The following CR1L variants were observed in gnomAD, a reference collection of about 807,000 sequenced individuals.
The protein encoded by CR1L is complement C3b/C4b receptor 1 like.
In CR1L, 59 loss-of-function variants were observed where a neutral mutation model predicts 62.3. The ratio of observed to expected loss-of-function variants is 0.95; its 90% CI spans 0.77 to 1.18. CR1L has a LOEUF of 1.18. CR1L is among the 50% of genes most tolerant of loss of function. CR1L has a pLI of 0.00. For synonymous variants in CR1L, 279 were observed against 248.7 expected (o/e 1.12, Z -1.15); for missense variants, 700 against 702.8 (o/e 1.00, Z 0.04).
chr1:207,721,363 C>A (rs1347263188), intron 11 of CR1L, among the ~76,000 whole-genome samples: 3 of 123,864 alleles, frequency 2.4e-5, no homozygotes, highest in African/African-American at 6.1e-5. Flanking sequence ...CCACCACAGT[C>A]CCCAGAGTGT....
At chr1:207,653,194 C>A in intron 1 of CR1L, 1 of 158,976 alleles carries the variant, frequency 6.3e-6, no homozygotes, top group South Asian at 1.8e-4. Flanking sequence ...AAGTAAGTTC[C>A]TCCTTAGAGG....
intron 4 of CR1L, among the ~76,000 whole-genome samples, chr1:207,688,444 A>T (rs2102465101): frequency 6.6e-6 from 1 of 152,336 alleles, no homozygotes; most frequent in African/African-American, 2.4e-5. Context: ...TAATGGCAAA[A>T]AAAACTGTAG....
chr1:207,699,310 C>G lies in CR1L; in HGVS notation c.1228+36C>G, dbSNP rs192423219. The stretch of plus-strand genomic sequence containing the variant: ...GGAGTAACATTTCAGGCCAATCTCT[C>G]CCCTTCATCTGTTCAGTATTTGACC... On this transcript the variant is annotated intron_variant, in intron 8 of 11. Transcript: ENST00000508064. 1.7e-5 allele frequency: 27 copies of G among 1,611,260 alleles called. No homozygotes were observed. In the African/African-American group the frequency reaches 3.1e-4, roughly 18 times the overall value.
At chr1:207,674,675 T>G (rs774224645) in intron 1 of CR1L, among the ~76,000 whole-genome samples, 10 of 152,236 alleles carry the variant, frequency 6.6e-5, no homozygotes, top group Non-Finnish European at 1.3e-4. Context: ...AACCTCTCAT[T>G]GCAAGCTTTG....
chr1:207,665,570 T>C (rs79133635), intron 1 of CR1L, among the ~76,000 whole-genome samples: 5,810 of 151,910 alleles, frequency 0.038, 176 homozygotes, highest in South Asian at 0.12. Context: ...AATTTTTGTA[T>C]TTTTAATAGA....
intron 10 of CR1L, among the ~76,000 whole-genome samples, chr1:207,713,432 T>C (rs942308415): frequency 6.6e-6 from 1 of 152,244 alleles, no homozygotes; most frequent in Non-Finnish European, 1.5e-5. Context: ...TGATGCAAGA[T>C]TTTTCTCAGC....
chr1:207,723,338 G>A (rs560886180), intron 11 of CR1L, among the ~76,000 whole-genome samples: 4 of 150,978 alleles, frequency 2.6e-5, no homozygotes, highest in African/African-American at 4.9e-5. Flanking sequence ...GCTGAGGCAC[G>A]AGAATCCCTT....
intron 1 of CR1L, among the ~76,000 whole-genome samples, chr1:207,672,140 A>G (rs1663624167): frequency 6.6e-6 from 1 of 150,770 alleles, no homozygotes; most frequent in Admixed American, 6.6e-5. Context: ...TGTACTCCCT[A>G]TAAGACCATT....
chr1:207,702,698 A>G (rs1352203649), intron 9 of CR1L, among the ~76,000 whole-genome samples: 5 of 152,368 alleles, frequency 3.3e-5, no homozygotes, highest in South Asian at 4.1e-4. Context: ...CAAACTAGAC[A>G]TATTTCCTTA....
At chr1:207,717,345 A>C in intron 10 of CR1L, 119 bp from the exon 11 acceptor site, 1 of 1,128,164 alleles carries the variant, frequency 8.9e-7, no homozygotes, top group East Asian at 2.6e-5. Flanking sequence ...CATCCACCTT[A>C]GTTATAGTCT....
At chr1:207,709,719 C>T (rs554774180) in intron 10 of CR1L, among the ~76,000 whole-genome samples, 1 of 151,082 alleles carries the variant, frequency 6.6e-6, no homozygotes, top group Non-Finnish European at 1.5e-5. Context: ...TGTCTGTAAT[C>T]CCAGCTACTT....
intron 1 of CR1L, among the ~76,000 whole-genome samples, chr1:207,648,777 A>G (rs911908903): frequency 1.5e-4 from 23 of 152,242 alleles, no homozygotes; most frequent in Non-Finnish European, 4.4e-5. Context: ...GCATACTACA[A>G]TGCAAAAAGA....
Position 207,694,734 on chromosome 1 carries a change from T to A in CR1L, c.845T>A (p.Leu282Ter), listed in dbSNP as rs879770958. 4 of 1,611,762 alleles carry A rather than the reference T, an allele frequency of 2.5e-6. No homozygotes were observed. The highest frequency in any genetic ancestry group is 1.7e-5 in the Admixed American group (1 of 59,996). ...CQALNKWEPE[L>*]PSCSRVCQPP... ...GCCCTGAACAAATGGGAGCCAGAGTTACCAAGCTGCTCCAGGGGTGAGTCT... is the reference window on the plus strand; with the variant it reads ...GCCCTGAACAAATGGGAGCCAGAGTAACCAAGCTGCTCCAGGGGTGAGTCT... Residue 282 changes from leucine (L) to a stop codon, truncating the protein, a stop_gained, in exon 5 of 12, where the codon TTA becomes TAA. Coordinates refer to ENST00000508064, the MANE Select transcript of CR1L (RefSeq NM_175710.2). LOFTEE classifies it high-confidence loss of function.
chr1:207,661,515 C>T (rs1347777057), intron 1 of CR1L, among the ~76,000 whole-genome samples: 1 of 152,090 alleles, frequency 6.6e-6, no homozygotes, highest in African/African-American at 2.4e-5. Flanking sequence ...TTCCTCCATC[C>T]CTTTATTTTG....
chr1:207,661,589 C>T (rs1016482445), intron 1 of CR1L, among the ~76,000 whole-genome samples: 4 of 152,160 alleles, frequency 2.6e-5, no homozygotes, highest in Non-Finnish European at 5.9e-5. Flanking sequence ...TGGGTCTTGA[C>T]TCTTTATCCT....
intron 1 of CR1L, among the ~76,000 whole-genome samples, chr1:207,653,973 A>G (rs1053221085): frequency 3.9e-5 from 6 of 152,174 alleles, no homozygotes; most frequent in Non-Finnish European, 7.3e-5. Flanking sequence ...AAAAAAGACA[A>G]AGCACAAGGG....
At chr1:207,701,456 C>T in intron 8 of CR1L, 63 bp from the exon 9 acceptor site, 1 of 1,594,160 alleles carries the variant, frequency 6.3e-7, no homozygotes, top group Non-Finnish European at 8.6e-7. Flanking sequence ...CAGGTTGAGA[C>T]CTTACGTACT....
chr1:207,688,626 G>C (rs1008924043), intron 4 of CR1L, among the ~76,000 whole-genome samples: 2 of 152,166 alleles, frequency 1.3e-5, no homozygotes, highest in South Asian at 2.1e-4. Context: ...AATCCTACTT[G>C]AATTTGTATT....
chr1:207,656,497 A>G (rs1270016242), intron 1 of CR1L, among the ~76,000 whole-genome samples: 3 of 152,176 alleles, frequency 2.0e-5, no homozygotes, highest in African/African-American at 7.2e-5. Flanking sequence ...GTATTGCTAT[A>G]AAGAAATGCC....
Sources: allele counts gnomAD v4.1 joint callset (sites outside exome capture counted in the v4.1 genomes callset), GRCh38; gene constraint gnomAD v4.1.1; transcripts MANE v1.5; gene names NCBI Gene and HGNC (gene_info 2026-07-23, HGNC 2026-07-21).